The following UBXN8 variants were observed in gnomAD, a reference collection of about 807,000 sequenced individuals.
The protein encoded by UBXN8 is UBX domain protein 8.
In UBXN8, 27 loss-of-function variants were observed where a neutral mutation model predicts 32.1. That is an observed-to-expected ratio of 0.84 (90% confidence interval 0.62 to 1.16). The LOEUF (loss-of-function observed/expected upper bound fraction) is 1.16. Among genes scored for constraint, UBXN8 ranks in the 50% most tolerant of loss-of-function variants. UBXN8 has a pLI of 0.00. For synonymous variants in UBXN8, 109 were observed against 111.8 expected (o/e 0.98, Z 0.16); for missense variants, 306 against 311.4 (o/e 0.98, Z 0.13).
rs546118124 is a variant in UBXN8 at position 30,760,127 on chromosome 8, C to T, written c.529-761C>T. On this transcript the variant is annotated intron_variant, in intron 5 of 7. Transcript: ENST00000265616. Reference sequence around the variant, plus strand: ...CCCAGGCCAGAATGCAGTGGCACAACCTCAGCTCACTGCAACCTCTGCTTC... The same window carrying T: ...CCCAGGCCAGAATGCAGTGGCACAATCTCAGCTCACTGCAACCTCTGCTTC... Among the ~76,000 whole-genome samples, 125 of 146,068 alleles carry T rather than the reference C, an allele frequency of 8.6e-4. 1 individual carries two copies. In the South Asian group the frequency reaches 0.011, roughly 13 times the overall value.
intron 1 of UBXN8, among the ~76,000 whole-genome samples, chr8:30,745,548 C>T (rs999197387): frequency 6.6e-6 from 1 of 152,054 alleles, no homozygotes; most frequent in Non-Finnish European, 1.5e-5. Context: ...AGTCAGATGC[C>T]TAGAAATGTT....
chr8:30,744,099 C>A, upstream of UBXN8: 1 of 1,253,890 alleles, frequency 8.0e-7, no homozygotes, highest in Non-Finnish European at 1.1e-6. Context: ...CCTCTCCCAG[C>A]CGGCCCGCGG....
upstream of UBXN8, among the ~76,000 whole-genome samples, chr8:30,739,357 A>T (rs1469533748): frequency 6.6e-6 from 1 of 150,976 alleles, no homozygotes; most frequent in African/African-American, 2.4e-5. Flanking sequence ...ATCCTGGCTA[A>T]CACGGTGAAA....
intron 3 of UBXN8, 73 bp from the exon 4 acceptor site, chr8:30,754,592 A>C (rs1805596046): frequency 3.4e-6 from 5 of 1,488,536 alleles, no homozygotes; most frequent in Non-Finnish European, 4.4e-6. Context: ...TCTTATTTAC[A>C]ACTTTATAGA....
At chr8:30,764,906 C>T (rs1460656753) in intron 7 of UBXN8, among the ~76,000 whole-genome samples, 3 of 151,872 alleles carry the variant, frequency 2.0e-5, no homozygotes, top group African/African-American at 4.8e-5. Context: ...AAAAATTAGC[C>T]GGACGTGGTG....
chr8:30,761,270 G>A (rs1805824354), intron 6 of UBXN8, among the ~76,000 whole-genome samples: 1 of 150,432 alleles, frequency 6.6e-6, no homozygotes, highest in African/African-American at 2.4e-5. Flanking sequence ...TTGAGATGAA[G>A]TCTTGCTCTT....
At chr8:30,751,283 GC>G (rs1805515516) in intron 1 of UBXN8, 112 bp from the exon 2 acceptor site, 1 of 862,176 alleles carries the variant, frequency 1.2e-6, no homozygotes, top group Non-Finnish European at 1.7e-6. Context: ...GGAGGCCAAG[GC>G]AGGAGGATCA....
rs550511307 is a variant in UBXN8 at position 30,756,564 on chromosome 8, G to A, written c.406-201G>A. ...CCCAAAGTGCTGGGATTACAGGTGT[G>A]AGCCATAGCACCCGGCTCAAGCCTC... On this transcript the variant is annotated intron_variant, in intron 4 of 7. Transcript: ENST00000265616. Among the ~76,000 whole-genome samples the A allele has an allele frequency of 5.3e-5, 8 of 152,268 alleles. No individual in the cohort carries two copies. In the South Asian group the frequency reaches 1.5e-3, roughly 28 times the overall value.
chr8:30,755,288 T>C (rs1805627891), intron 4 of UBXN8, among the ~76,000 whole-genome samples: 1 of 152,072 alleles, frequency 6.6e-6, no homozygotes, highest in African/African-American at 2.4e-5. Flanking sequence ...CTCTCTCTCT[T>C]GCCCTGGCTG....
At chr8:30,739,782 A>G (rs1805157031), upstream of UBXN8, among the ~76,000 whole-genome samples, 1 of 152,242 alleles carries the variant, frequency 6.6e-6, no homozygotes, top group South Asian at 2.1e-4. Context: ...AAAAAAGCAT[A>G]CAGTGTGAAC....
chr8:30,744,616 T>G (rs1805314244), intron 1 of UBXN8, among the ~76,000 whole-genome samples: 1 of 152,232 alleles, frequency 6.6e-6, no homozygotes, highest in South Asian at 2.1e-4. Flanking sequence ...TTTGTTTTGT[T>G]TTTAGAGACA....
At chr8:30,743,707 GCAGGAACCAGAGACTGCGGACGGGGC>G (rs1805270571), upstream of UBXN8, among the ~76,000 whole-genome samples, 1 of 152,202 alleles carries the variant, frequency 6.6e-6, no homozygotes, top group South Asian at 2.1e-4. Flanking sequence ...TTGTCTTTCC[GCAGGAACCAGAGACTGCGGACGGGGC>G]CAGGAACCAG....
At chr8:30,742,872 AC>A (rs1805242900), upstream of UBXN8, among the ~76,000 whole-genome samples, 1 of 151,898 alleles carries the variant, frequency 6.6e-6, no homozygotes, top group Non-Finnish European at 1.5e-5. Flanking sequence ...TTATTTGCTT[AC>A]AGGGCTATCT....
chr8:30,742,050 T>A (rs898422346), upstream of UBXN8, among the ~76,000 whole-genome samples: 1 of 152,084 alleles, frequency 6.6e-6, no homozygotes, highest in African/African-American at 2.4e-5. Context: ...GAACTTCCTT[T>A]CCTGTCTTCC....
chr8:30,735,873 T>C (rs948811161), intron 1 of UBXN8, among the ~76,000 whole-genome samples: 2 of 152,302 alleles, frequency 1.3e-5, no homozygotes, highest in East Asian at 3.9e-4. Flanking sequence ...TTCCCACTAA[T>C]AGTGACTAAT....
chr8:30,741,058 G>T (rs1235943466), upstream of UBXN8, among the ~76,000 whole-genome samples: 2 of 152,106 alleles, frequency 1.3e-5, no homozygotes, highest in African/African-American at 4.8e-5. Flanking sequence ...CATGAACTAT[G>T]TCCAATCCCA....
At chr8:30,741,799 G>A (rs1015464154), upstream of UBXN8, among the ~76,000 whole-genome samples, 5 of 152,166 alleles carry the variant, frequency 3.3e-5, no homozygotes, top group Non-Finnish European at 7.3e-5. Context: ...CTTACTGACA[G>A]GTTATTCTGG....
At chr8:30,754,956 GTTTTT>G (rs34741520) in intron 4 of UBXN8, among the ~76,000 whole-genome samples, 169 bp downstream of exon 4, 1 of 129,662 alleles carries the variant, frequency 7.7e-6, no homozygotes, top group Non-Finnish European at 1.6e-5. Context: ...GGGGTTGGTC[GTTTTT>G]TTTTTTTTTT....
chr8:30,766,159 T>C (rs1458533281), intron 7 of UBXN8, 68 bp from the exon 8 acceptor site: 2 of 1,456,158 alleles, frequency 1.4e-6, no homozygotes, highest in African/African-American at 1.4e-5. Context: ...TAAAATGTTA[T>C]GGTGGTCTAA....
Sources: allele counts gnomAD v4.1 joint callset (sites outside exome capture counted in the v4.1 genomes callset), GRCh38; gene constraint gnomAD v4.1.1; transcripts MANE v1.5; gene names NCBI Gene and HGNC (gene_info 2026-07-23, HGNC 2026-07-21).